The following LIG1 variants were observed in gnomAD, a reference collection of about 807,000 sequenced individuals.
The protein encoded by LIG1 is DNA ligase 1, also known as ligase I, DNA, ATP-dependent.
Under a neutral mutation model 115.7 loss-of-function variants are expected in LIG1, and 70 were observed. That is an observed-to-expected ratio of 0.60 (90% confidence interval 0.50 to 0.74). LIG1 has a LOEUF of 0.74. Ranked by LOEUF, LIG1 falls within the 30% of genes least tolerant of loss-of-function variation. LIG1 has a pLI of 0.00. For missense variants in LIG1, 1,115 were observed against 1,225.6 expected, an observed-to-expected ratio of 0.91 and a Z score of 1.35; for synonymous variants, 487 against 495.3, an observed-to-expected ratio of 0.98 and a Z score of 0.22.
chr19:48,117,971 CAG>C (rs1298896872), intron 25 of LIG1, 190 bp from the exon 26 acceptor site: 2 of 636,166 alleles, frequency 3.1e-6, no homozygotes, highest in African/African-American at 1.8e-5. Flanking sequence ...GAAAGAGAAA[CAG>C]AAAGTGAAAG....
In LIG1 at chr19:48,150,213, G is replaced by A. The variant is rs2035380799; in HGVS notation, c.575-3C>T. ...GCTTTCCGTCGGGGTCTCTGCTTCT[G>A]CGGTGAGAGAGCTCAGACGGTGATG... On this transcript the variant is annotated splice_region_variant and splice_polypyrimidine_tract_variant and intron_variant, in intron 7 of 27. Coordinates refer to ENST00000263274, the MANE Select transcript of LIG1 (RefSeq NM_000234.3). The A allele has an allele frequency of 6.2e-7, 1 of 1,614,134 alleles. No individual in the cohort carries two copies. Among genetic ancestry groups the A allele is most frequent in the Non-Finnish European group, 8.5e-7 (1 of 1,180,036 alleles).
intron 17 of LIG1, chr19:48,133,304 T>C (rs1035506175): frequency 3.4e-5 from 20 of 591,152 alleles, no homozygotes; most frequent in Non-Finnish European, 5.5e-5. Context: ...GGCCATGTGA[T>C]TGGAACCCAC....
At chr19:48,143,505 C>CGCGGGGGGGGGGGGGGGGGGGGGGGGG in intron 11 of LIG1, 38 bp downstream of exon 11, 3 of 850,466 alleles carry the variant, frequency 3.5e-6, no homozygotes, top group Non-Finnish European at 4.0e-6. Context: ...GACCCAGAAG[C>CGCGGGGGGGGGGGGGGGGGGGGGGGGG]GACCCCGCCC....
intron 1 of LIG1, among the ~76,000 whole-genome samples, chr19:48,169,301 G>A (rs2036642248): frequency 1.3e-5 from 2 of 152,096 alleles, no homozygotes; most frequent in African/African-American, 2.4e-5. Context: ...GCACACAGAT[G>A]CACAATCACA....
Position 48,135,733 on chromosome 19 carries a change from C to T in LIG1, c.1470G>A (p.Glu490=), listed in dbSNP as rs145812883. Residue 490 remains glutamate, a synonymous_variant, in exon 16 of 28, where the codon GAG becomes GAA. Transcript: ENST00000263274. ...MVDAGKGKTA[E]ARKTWLEEQG... ...GCTCCTCCAGCCACGTCTTTCTGGC[C>T]TCTGCTGTCTTGCCCTTCCCAGCAT... 2 of 1,614,090 alleles carry T rather than the reference C, an allele frequency of 1.2e-6. No homozygotes were observed. The highest frequency in any genetic ancestry group is 1.7e-6 in the Non-Finnish European group (2 of 1,180,034).
At chr19:48,149,719 G>C (rs754883440) in intron 9 of LIG1, 44 bp downstream of exon 9, 1 of 1,500,298 alleles carries the variant, frequency 6.7e-7, no homozygotes, top group South Asian at 1.1e-5. Context: ...GCAGAGAAGG[G>C]AACACATCCC....
chr19:48,135,407 C>T lies in LIG1; in HGVS notation c.1523+273G>A, dbSNP rs274891. Among the ~76,000 whole-genome samples, 364 of 152,306 alleles carry T rather than the reference C, an allele frequency of 2.4e-3. 3 individuals are homozygous for T. The highest frequency in any genetic ancestry group is 8.5e-3 in the African/African-American group (354 of 41,560). ...CAAGTGCTGGGATTACAGGCGTGAG[C>T]CACTGTGCCTGGCCGCTGCCAGCGT... On this transcript the variant is annotated intron_variant, in intron 16 of 27. Transcript: ENST00000263274.
Position 48,115,975 on chromosome 19 carries a change from C to A in LIG1, c.2584-10G>T, listed in dbSNP as rs182766545. 6.2e-7 allele frequency: 1 copy of A among 1,609,746 alleles called. No homozygotes were observed. Among genetic ancestry groups the A allele is most frequent in the South Asian group, 1.1e-5 (1 of 90,806 alleles). On this transcript the variant is annotated splice_polypyrimidine_tract_variant and intron_variant, in intron 26 of 27. Transcript: ENST00000263274. ...CCTTGTCACTATCCACCTGCGGAAG[C>A]GGGATGGAGACTCCTGCGGTCCAGC...
chr19:48,130,525 C>T (rs1040774244), intron 19 of LIG1, among the ~76,000 whole-genome samples: 1 of 152,192 alleles, frequency 6.6e-6, no homozygotes, highest in African/African-American at 2.4e-5. Context: ...CCCCTCCAAA[C>T]TCGTCCTGAC....
intron 11 of LIG1, among the ~76,000 whole-genome samples, chr19:48,141,003 G>A (rs1252239583): frequency 6.6e-6 from 1 of 152,218 alleles, no homozygotes; most frequent in Admixed American, 6.5e-5. Context: ...CAGCGGGCAA[G>A]GTGAACCCAC....
Position 48,169,916 on chromosome 19 carries a change from C to CCCCG in LIG1, c.-58+324_-58+325insCGGG, listed in dbSNP as rs2036706241. On this transcript the variant is annotated intron_variant, in intron 1 of 27. Coordinates refer to ENST00000263274, the MANE Select transcript of LIG1 (RefSeq NM_000234.3). ...TGGCCCCGCCCACACAGTTTTCCCCCCCCCGGCCCCGCCCCTCAGTTCCAT... is the reference window on the plus strand; with the variant it reads ...TGGCCCCGCCCACACAGTTTTCCCCCCCCGCCCCGGCCCCGCCCCTCAGTTCCAT... The CCCCG allele has an allele frequency of 1.4e-5, 2 of 147,914 alleles. 1 individual carries two copies. The highest frequency in any genetic ancestry group is 5.3e-5 in the African/African-American group (2 of 37,466). The allele number at this position is 147,914 out of a possible 1,614,324, so 9.2% of individuals were successfully genotyped here.
rs532674510 is a variant in LIG1, at chr19:48,159,168, C to T, written c.244-2028G>A. Among the ~76,000 whole-genome samples the T allele has an allele frequency of 5.3e-5, 8 of 152,074 alleles. No homozygotes were observed. The South Asian group carries it at 1.7e-3, about 32-fold the overall frequency. ...TCTCGGCTCACCACAACCTCCATCT[C>T]CCAGGTTCAAGCAATTCTCCTGCCT... On this transcript the variant is annotated intron_variant, in intron 4 of 27. Coordinates refer to ENST00000263274, the MANE Select transcript of LIG1 (RefSeq NM_000234.3).
intron 20 of LIG1, 82 bp downstream of exon 20, chr19:48,127,828 A>G: frequency 2.6e-6 from 3 of 1,143,820 alleles, no homozygotes; most frequent in Admixed American, 3.4e-5. Flanking sequence ...CCTTCTGGGC[A>G]CTGGGCAGGA....
At chr19:48,164,702 C>G (rs1228248623) in intron 2 of LIG1, among the ~76,000 whole-genome samples, 1 of 152,238 alleles carries the variant, frequency 6.6e-6, no homozygotes, top group Admixed American at 6.5e-5. Flanking sequence ...GTTTTGGCAA[C>G]TGGATCGAAC....
rs143277427 is a variant in LIG1 at position 48,118,534 on chromosome 19, C to CTT, written c.2439+601_2439+602dup. 792 of 97,316 alleles carry CTT rather than the reference C, an allele frequency of 8.1e-3. 38 individuals are homozygous for CTT. The highest frequency in any genetic ancestry group is 0.024 in the African/African-American group (548 of 23,226). The allele number at this position is 97,316 out of a possible 1,614,324, so 6.0% of individuals were successfully genotyped here. A position where few individuals can be genotyped will look rare whatever the true frequency, so the allele number is the denominator to read the frequency against. ...AGGAAACCTCTCTTTATAAATGATC[C>CTT]TTTTTTTTTTTTTTTTTTTTTTGAG... On this transcript the variant is annotated intron_variant, in intron 25 of 27. Coordinates refer to ENST00000263274, the MANE Select transcript of LIG1 (RefSeq NM_000234.3).
chr19:48,137,131 C>A lies in LIG1; in HGVS notation c.1255-47G>T, dbSNP rs1246114864. ...CGTCAGTGCCTGGTGAAGGCAGGGA[C>A]CACACCTCCACCCCACCAGCCGTGC... is the stretch of plus-strand genomic sequence containing the variant. On this transcript the variant is annotated intron_variant, in intron 13 of 27. Transcript: ENST00000263274. The surrounding 1 kb of genome is among the most constrained non-coding windows in gnomAD (Gnocchi z 4.3). The A allele has an allele frequency of 1.4e-6, 2 of 1,440,248 alleles. No homozygotes were observed. The allele number at this position is 1,440,248 out of a possible 1,614,324, so 89.2% of individuals were successfully genotyped here.
chr19:48,133,219 G>A (rs1383395384), intron 17 of LIG1, 122 bp from the exon 18 acceptor site: 1 of 729,768 alleles, frequency 1.4e-6, no homozygotes. Context: ...CAGTCACGAA[G>A]CCTCCCACGT....
chr19:48,143,411 A>G (rs2034901946), intron 11 of LIG1, 132 bp downstream of exon 11: 8 of 835,590 alleles, frequency 9.6e-6, no homozygotes, highest in South Asian at 2.7e-5. Flanking sequence ...TCTGACATCC[A>G]TGATCATACG....
intron 9 of LIG1, among the ~76,000 whole-genome samples, chr19:48,148,899 C>T (rs570053273): frequency 2.0e-5 from 3 of 152,322 alleles, no homozygotes; most frequent in South Asian, 4.1e-4. Flanking sequence ...TGGGGCAGGG[C>T]GGCCGGCTCT....
Sources: gnomAD v4.1 joint callset for allele counts (sites outside exome capture counted in the v4.1 genomes callset) on GRCh38, gnomAD v4.1.1 for gene constraint, Gnocchi (gnomAD v3.1) non-coding constraint, MANE v1.5 for transcripts, NCBI Gene and HGNC (gene_info 2026-07-23, HGNC 2026-07-21) for gene names.